Variants in LRP1B observed in about 807,000 individuals in gnomAD.
The protein encoded by LRP1B is LDL receptor related protein 1B.
In LRP1B, 217 loss-of-function variants were observed where a neutral mutation model predicts 556.6. That is an observed-to-expected ratio of 0.39 (90% CI 0.35 to 0.44). The LOEUF (loss-of-function observed/expected upper bound fraction) is 0.44. Among genes scored for constraint, LRP1B ranks in the 20% least tolerant of loss-of-function variants. The probability of loss-of-function intolerance (pLI) is 1.00; values close to 1 mark genes in which losing one functional copy is unlikely to be tolerated. For synonymous variants in LRP1B, 2,047 were observed against 1,865.8 expected, an observed-to-expected ratio of 1.10 and a Z score of -2.50; for missense variants, 5,053 against 5,620.8, an observed-to-expected ratio of 0.90 and a Z score of 3.23.
At chr2:141,133,695 G>A (rs1330982367) in intron 7 of LRP1B, among the ~76,000 whole-genome samples, 2 of 151,774 alleles carry the variant, frequency 1.3e-5, no homozygotes, top group East Asian at 1.9e-4. Context: ...ACTCCCCTTA[G>A]CCCAATGACA....
chr2:140,615,628 T>C (rs1683227654), intron 41 of LRP1B, among the ~76,000 whole-genome samples: 1 of 152,100 alleles, frequency 6.6e-6, no homozygotes, highest in African/African-American at 2.4e-5. Flanking sequence ...AGGCCACAGA[T>C]ACATTGTTTG....
chr2:141,024,310 G>A (rs1032774415), intron 11 of LRP1B, among the ~76,000 whole-genome samples: 2 of 151,908 alleles, frequency 1.3e-5, no homozygotes, highest in African/African-American at 4.8e-5. Flanking sequence ...TAGCTGTTAG[G>A]TCAAGGAGGG....
chr2:140,336,904 G>T (rs1447338212), intron 77 of LRP1B, among the ~76,000 whole-genome samples: 1 of 151,716 alleles, frequency 6.6e-6, no homozygotes, highest in Non-Finnish European at 1.5e-5. Flanking sequence ...TATTCCCAGG[G>T]GTATTATGGC....
At chr2:140,514,997 A>G (rs1335046432) in intron 50 of LRP1B, among the ~76,000 whole-genome samples, 1 of 151,984 alleles carries the variant, frequency 6.6e-6, no homozygotes, top group Non-Finnish European at 1.5e-5. Flanking sequence ...CATGATTCTT[A>G]TAAGGCTTGC....
Position 141,510,746 on chromosome 2 carries a change from C to A in LRP1B, c.206-30213G>T, listed in dbSNP as rs13027965. 5.3e-5 allele frequency among the ~76,000 whole-genome samples: 8 copies of A among 151,898 alleles called. No individual in the cohort carries two copies. The East Asian group carries it at 1.2e-3, about 22-fold the overall frequency. ...CTAAAATAACATTTCCATCATGTTG[C>A]CTGCTCAGTTACTGATTTCTTCCAT... On this transcript the variant is annotated intron_variant, in intron 2 of 90. Transcript: ENST00000389484.
chr2:141,420,392 C>T (rs1573925520), intron 3 of LRP1B, among the ~76,000 whole-genome samples: 2 of 152,292 alleles, frequency 1.3e-5, no homozygotes, highest in African/African-American at 4.8e-5. Context: ...TCACCGTCAG[C>T]CCAGCTAGAG....
intron 6 of LRP1B, among the ~76,000 whole-genome samples, chr2:141,218,638 TA>T (rs1165341829): frequency 2.6e-5 from 4 of 151,628 alleles, no homozygotes; most frequent in Non-Finnish European, 4.4e-5. Flanking sequence ...AGGGAAGGGG[TA>T]AAGGGAAAAG....
At chr2:140,419,381 G>C (rs537952701) in intron 66 of LRP1B, among the ~76,000 whole-genome samples, 8 of 152,228 alleles carry the variant, frequency 5.3e-5, no homozygotes, top group African/African-American at 1.4e-4. Flanking sequence ...CTCATAATAA[G>C]TGTTAGAATA....
intron 43 of LRP1B, among the ~76,000 whole-genome samples, chr2:140,573,962 TA>T (rs1681423235): frequency 6.6e-6 from 1 of 152,106 alleles, no homozygotes; most frequent in African/African-American, 2.4e-5. Context: ...TTATGGCCTA[TA>T]AATAAGATCT....
chr2:141,862,222 C>T lies in LRP1B; in HGVS notation c.83-51821G>A, dbSNP rs551747917. ...ATATAAATTCACTTTACTTTGTAAG[C>T]CTACACCACCATATGTCCCTCTAAT... On this transcript the variant is annotated intron_variant, in intron 1 of 90. Coordinates refer to ENST00000389484, the MANE Select transcript of LRP1B (RefSeq NM_018557.3). 2.0e-5 allele frequency among the ~76,000 whole-genome samples: 3 copies of T among 152,158 alleles called. No individual in the cohort carries two copies. In the East Asian group the frequency reaches 5.8e-4, roughly 30 times the overall value.
chr2:140,976,028 C>A (rs1008835755), intron 18 of LRP1B, among the ~76,000 whole-genome samples: 5 of 152,020 alleles, frequency 3.3e-5, no homozygotes, highest in Admixed American at 6.6e-5. Flanking sequence ...AGTGATCATA[C>A]CACCTTAGCC....
intron 7 of LRP1B, among the ~76,000 whole-genome samples, chr2:141,099,946 T>C (rs1017776254): frequency 2.6e-5 from 4 of 152,198 alleles, no homozygotes; most frequent in African/African-American, 9.7e-5. Flanking sequence ...GAATGGGTAA[T>C]ACTATTATTC....
chr2:141,927,918 A>AG lies in LRP1B; in HGVS notation c.83-117518_83-117517insC, dbSNP rs1481469253. 3.9e-5 allele frequency among the ~76,000 whole-genome samples: 5 copies of AG among 128,220 alleles called. No homozygotes were observed. The East Asian group carries it at 9.8e-4, about 25-fold the overall frequency. The allele number at this position is 128,220 out of a possible 152,430, so 84.1% of individuals were successfully genotyped here. ...CTTGGCTTTACAAAAAAAAAAAAAA[A>AG]AAGAAAGAAAGAAAGAAAAAAAAAA... On this transcript the variant is annotated intron_variant, in intron 1 of 90. Transcript: ENST00000389484.
intron 32 of LRP1B, among the ~76,000 whole-genome samples, chr2:140,802,961 C>T (rs983026876): frequency 1.6e-4 from 25 of 152,168 alleles, no homozygotes; most frequent in Non-Finnish European, 4.4e-5. Flanking sequence ...CTGACTCTTA[C>T]ATTCACGTGC....
At chr2:141,010,080 T>G (rs1697697192) in intron 14 of LRP1B, among the ~76,000 whole-genome samples, 1 of 152,050 alleles carries the variant, frequency 6.6e-6, no homozygotes, top group Non-Finnish European at 1.5e-5. Context: ...CCCTGTAGTT[T>G]TAACAATTAC....
intron 2 of LRP1B, among the ~76,000 whole-genome samples, chr2:141,631,062 C>A (rs909216256): frequency 6.6e-6 from 1 of 152,168 alleles, no homozygotes; most frequent in Admixed American, 6.5e-5. Context: ...GTTTAATTGA[C>A]TCACAGTTCT....
Position 140,386,313 on chromosome 2 carries a change from C to T in LRP1B, c.10415-304G>A, listed in dbSNP as rs146439208. Among the ~76,000 whole-genome samples, 525 of 152,312 alleles carry T rather than the reference C, an allele frequency of 3.4e-3. 4 individuals carry two copies. Among genetic ancestry groups the T allele is most frequent in the African/African-American group, 0.012 (508 of 41,566 alleles). On this transcript the variant is annotated intron_variant, in intron 66 of 90. Transcript: ENST00000389484. ...AATTGGCCAGGCATGGTGGCTCACG[C>T]CTGTAATCCCAGCACTTCGGGAGGT...
intron 2 of LRP1B, among the ~76,000 whole-genome samples, chr2:141,559,279 T>C (rs1257506908): frequency 6.6e-6 from 1 of 151,722 alleles, no homozygotes; most frequent in Non-Finnish European, 1.5e-5. Context: ...AAAATACTAG[T>C]TCTATCAAAG....
intron 2 of LRP1B, among the ~76,000 whole-genome samples, chr2:141,527,103 C>CTGTTT (rs909325318): frequency 3.9e-5 from 6 of 152,040 alleles, no homozygotes; most frequent in African/African-American, 9.6e-5. Context: ...CTTTTTATTT[C>CTGTTT]TGTTTTGTTT....
Sources: allele counts gnomAD v4.1 joint callset (sites outside exome capture counted in the v4.1 genomes callset), GRCh38; gene constraint gnomAD v4.1.1; transcripts MANE v1.5; gene names NCBI Gene and HGNC (gene_info 2026-07-23, HGNC 2026-07-21).